The following ELAVL2 variants were observed in gnomAD, a reference collection of about 807,000 sequenced individuals.
ELAVL2 encodes ELAV-like protein 2.
ELAVL2 carries 4 observed loss-of-function variants against 34.6 expected under a neutral mutation model. The ratio of observed to expected loss-of-function variants is 0.12; its 90% CI spans 0.06 to 0.26. ELAVL2 has a LOEUF of 0.26. Ranked by LOEUF, ELAVL2 falls within the 10% of genes least tolerant of loss-of-function variation. The pLI is 1.00. For synonymous variants in ELAVL2, 193 were observed against 154.8 expected, an observed-to-expected ratio of 1.25 and a Z score of -1.83; for missense variants, 432 against 442.8, an observed-to-expected ratio of 0.98 and a Z score of 0.22.
the ELAVL2 span, among the ~76,000 whole-genome samples, chr9:23,834,140 A>G: frequency 6.6e-6 from 1 of 152,022 alleles, no homozygotes; most frequent in Non-Finnish European, 1.5e-5. Flanking sequence ...ATGATAGTAA[A>G]TGGAAAACTT....
At chr9:23,771,200 C>G (rs555391405) in intron 1 of ELAVL2, among the ~76,000 whole-genome samples, 1 of 152,288 alleles carries the variant, frequency 6.6e-6, no homozygotes, top group Admixed American at 6.5e-5. Flanking sequence ...TCATCAGATT[C>G]TGGATATACC....
chr9:23,713,339 TG>T (rs2041494145), intron 3 of ELAVL2, among the ~76,000 whole-genome samples: 1 of 152,200 alleles, frequency 6.6e-6, no homozygotes, highest in African/African-American at 2.4e-5. Flanking sequence ...GTAGTGGATA[TG>T]GCATCTGAGG....
chr9:23,787,614 C>T (rs1320133444), intron 1 of ELAVL2, among the ~76,000 whole-genome samples: 1 of 151,762 alleles, frequency 6.6e-6, no homozygotes, highest in East Asian at 1.9e-4. Context: ...CAAAACCTGC[C>T]AATGTGGGTC....
At chr9:23,819,012 T>A (rs1343409789) in intron 1 of ELAVL2, among the ~76,000 whole-genome samples, 1 of 152,204 alleles carries the variant, frequency 6.6e-6, no homozygotes, top group Non-Finnish European at 1.5e-5. Context: ...GTCAGGATAT[T>A]CTGGAAGGCT....
intron 1 of ELAVL2, among the ~76,000 whole-genome samples, chr9:23,773,093 A>T (rs922344190): frequency 3.3e-5 from 5 of 152,178 alleles, no homozygotes; most frequent in Non-Finnish European, 7.3e-5. Context: ...GAGAATTTAC[A>T]TTCAATGCAA....
the ELAVL2 span, among the ~76,000 whole-genome samples, chr9:23,842,822 A>G: frequency 1.3e-5 from 2 of 152,148 alleles, no homozygotes; most frequent in African/African-American, 4.8e-5. Flanking sequence ...GAGTTGGGCC[A>G]CTGGCTACAT....
At chr9:23,724,834 C>T (rs10966045) in intron 3 of ELAVL2, among the ~76,000 whole-genome samples, 51,607 of 151,810 alleles carry the variant, frequency 0.34, 9,363 homozygotes, top group African/African-American at 0.45. Flanking sequence ...ATTTACTCAA[C>T]GTTTCAATTT....
intron 3 of ELAVL2, among the ~76,000 whole-genome samples, 195 bp from the exon 4 acceptor site, chr9:23,705,266 C>T (rs535073558): frequency 6.6e-6 from 1 of 152,236 alleles, no homozygotes; most frequent in South Asian, 2.1e-4. Flanking sequence ...CATTCCCTCT[C>T]CCCTAGGTGG....
At chr9:23,796,625 A>C (rs1268602465) in intron 1 of ELAVL2, among the ~76,000 whole-genome samples, 1 of 152,250 alleles carries the variant, frequency 6.6e-6, no homozygotes, top group Non-Finnish European at 1.5e-5. Context: ...GCTGTCTATA[A>C]GTAAGATATC....
intron 5 of ELAVL2, among the ~76,000 whole-genome samples, chr9:23,697,144 G>C (rs1028028320): frequency 1.3e-5 from 2 of 151,976 alleles, no homozygotes; most frequent in South Asian, 2.1e-4. Context: ...TGGAGGATTA[G>C]ACTGGATAAC....
At chr9:23,714,253 C>G (rs1305024627) in intron 3 of ELAVL2, among the ~76,000 whole-genome samples, 1 of 152,170 alleles carries the variant, frequency 6.6e-6, no homozygotes, top group African/African-American at 2.4e-5. Flanking sequence ...ATACTATTAT[C>G]TTTGAGGTCA....
chr9:23,737,445 TAAGATG>T (rs1436746004), intron 2 of ELAVL2, among the ~76,000 whole-genome samples: 1 of 152,230 alleles, frequency 6.6e-6, no homozygotes, highest in Admixed American at 6.5e-5. Flanking sequence ...CAAATACCAT[TAAGATG>T]AAGTCTCAAT....
intron 2 of ELAVL2, among the ~76,000 whole-genome samples, chr9:23,751,291 A>G (rs2051950206): frequency 6.6e-6 from 1 of 152,214 alleles, no homozygotes; most frequent in African/African-American, 2.4e-5. Flanking sequence ...CACAATATGC[A>G]TAAGGATTTA....
chr9:23,842,298 CAGG>C, the ELAVL2 span, among the ~76,000 whole-genome samples: 1 of 152,098 alleles, frequency 6.6e-6, no homozygotes, highest in Non-Finnish European at 1.5e-5. Flanking sequence ...TCTCTGCCAT[CAGG>C]AGGACAGCCA....
chr9:23,772,116 T>C (rs1446052450), intron 1 of ELAVL2, among the ~76,000 whole-genome samples: 2 of 152,208 alleles, frequency 1.3e-5, no homozygotes, highest in East Asian at 1.9e-4. Flanking sequence ...ACAGTTAACA[T>C]AGTAATCAAC....
At chr9:23,740,816 A>T (rs1291022444) in intron 2 of ELAVL2, among the ~76,000 whole-genome samples, 2 of 152,234 alleles carry the variant, frequency 1.3e-5, no homozygotes, top group African/African-American at 2.4e-5. Flanking sequence ...TTCCAAACTC[A>T]GAAAGCAGTT....
intron 1 of ELAVL2, among the ~76,000 whole-genome samples, chr9:23,816,934 A>G (rs1283714700): frequency 6.6e-6 from 1 of 152,170 alleles, no homozygotes; most frequent in African/African-American, 2.4e-5. Flanking sequence ...TGGGTTTATC[A>G]GGAGCATCTG....
At chr9:23,837,425 T>G in the ELAVL2 span, among the ~76,000 whole-genome samples, 1 of 152,148 alleles carries the variant, frequency 6.6e-6, no homozygotes, top group Admixed American at 6.5e-5. Context: ...AACTTCATGA[T>G]TCCCAGGAGA....
At chr9:23,749,333 A>C (rs922183072) in intron 2 of ELAVL2, among the ~76,000 whole-genome samples, 1 of 152,140 alleles carries the variant, frequency 6.6e-6, no homozygotes, top group African/African-American at 2.4e-5. Flanking sequence ...CCTACATACT[A>C]TCCATACCTA....
Sources: allele counts gnomAD v4.1 joint callset (sites outside exome capture counted in the v4.1 genomes callset), GRCh38; gene constraint gnomAD v4.1.1; transcripts MANE v1.5; gene names NCBI Gene and HGNC (gene_info 2026-07-23, HGNC 2026-07-21).